EHD2: variants seen among roughly 807,000 people sequenced by gnomAD.
The protein encoded by EHD2 is EH domain-containing protein 2.
Under a neutral mutation model 41.0 loss-of-function variants are expected in EHD2, and 27 were observed. The ratio of observed to expected loss-of-function variants is 0.66; its 90% CI spans 0.49 to 0.91. The LOEUF (loss-of-function observed/expected upper bound fraction) is 0.91. Ranked by LOEUF, EHD2 falls within the 40% of genes least tolerant of loss-of-function variation. The pLI, the probability that EHD2 is intolerant of heterozygous loss-of-function variation, is 0.00. For synonymous variants in EHD2, 342 were observed against 341.0 expected, an observed-to-expected ratio of 1.00 and a Z score of -0.03; for missense variants, 673 against 773.9, an observed-to-expected ratio of 0.87 and a Z score of 1.55.
chr19:47,725,358 C>T (rs3786782), intron 3 of EHD2, among the ~76,000 whole-genome samples: 51,140 of 144,532 alleles, frequency 0.35, 9,216 homozygotes, highest in Middle Eastern at 0.53. Context: ...GAGACTAGCC[C>T]GGCAGCCCGG....
At position 47,742,149 on chromosome 19, in the gene EHD2, TTTCC is replaced by T. The variant is rs1479141106; in HGVS notation, c.*729_*732del. The T allele has an allele frequency of 1.7e-4, 56 of 333,304 alleles. No homozygotes were observed. Among genetic ancestry groups the T allele is most frequent in the South Asian group, 6.5e-4 (29 of 44,440 alleles). The allele number at this position is 333,304 out of a possible 1,614,324, so 20.6% of individuals were successfully genotyped here. On this transcript the variant is annotated 3_prime_UTR_variant, in exon 6 of 6. Coordinates refer to ENST00000263277, the MANE Select transcript of EHD2 (RefSeq NM_014601.4). The stretch of plus-strand genomic sequence containing the variant: ...TTTCCTTCCTTCCTTCCTTCTTTTC[TTTCC>T]TTCCTTCCTTCTTTTTTGTTTTTGC...
intron 2 of EHD2, among the ~76,000 whole-genome samples, chr19:47,717,859 G>A (rs1337478233): frequency 1.4e-5 from 2 of 144,702 alleles, no homozygotes; most frequent in Non-Finnish European, 3.0e-5. Context: ...AGTAAGCCGA[G>A]ACCGTGCCAC....
chr19:47,735,414 G>A (rs1024894480), intron 4 of EHD2, among the ~76,000 whole-genome samples: 1 of 152,122 alleles, frequency 6.6e-6, no homozygotes, highest in Non-Finnish European at 1.5e-5. Context: ...TGGCACCTCC[G>A]CCTGCAGCAC....
chr19:47,719,253 T>C lies in EHD2; in HGVS notation c.502+647T>C, dbSNP rs1396223816. On this transcript the variant is annotated intron_variant, in intron 3 of 5. Coordinates refer to ENST00000263277, the MANE Select transcript of EHD2 (RefSeq NM_014601.4). This position sits in a 1 kb window ranked among gnomAD's most constrained non-coding sequence, Gnocchi z 4.1. Reference sequence around the variant, plus strand: ...CAGCGACGCAGGGAGACACAAGGCCTGGAGATGAGGCAGAGCCTGGGCAGG... The same window carrying C: ...CAGCGACGCAGGGAGACACAAGGCCCGGAGATGAGGCAGAGCCTGGGCAGG... Among the ~76,000 whole-genome samples the C allele has an allele frequency of 6.6e-6, 1 of 151,508 alleles. No individual in the cohort carries two copies. Among genetic ancestry groups the C allele is most frequent in the Non-Finnish European group, 1.5e-5 (1 of 67,862 alleles).
intron 4 of EHD2, chr19:47,731,314 A>ATACACATATATATATAT (rs1160770476): frequency 8.8e-6 from 1 of 113,996 alleles, no homozygotes. Context: ...ATATATATAT[A>ATACACATATATATATAT]ATTTTTTTTT....
At chr19:47,736,723 CAG>C (rs1568593485) in intron 5 of EHD2, among the ~76,000 whole-genome samples, 190 bp downstream of exon 5, 2 of 152,162 alleles carry the variant, frequency 1.3e-5, no homozygotes, top group Admixed American at 1.3e-4. Context: ...CCCAAAATAA[CAG>C]TGGCTAAATT....
intron 4 of EHD2, among the ~76,000 whole-genome samples, chr19:47,733,731 G>A (rs1966892342): frequency 1.0e-5 from 1 of 97,340 alleles, no homozygotes. Context: ...CAGTCTGGGT[G>A]ACAGAGCAAG....
At chr19:47,737,308 A>C (rs1337476158) in intron 5 of EHD2, among the ~76,000 whole-genome samples, 2 of 151,438 alleles carry the variant, frequency 1.3e-5, no homozygotes, top group Non-Finnish European at 2.9e-5. Context: ...TGTTTATTTT[A>C]TTTTCATTTA....
chr19:47,728,100 T>TA (rs10672064), intron 4 of EHD2, among the ~76,000 whole-genome samples: 2,967 of 134,372 alleles, frequency 0.022, 193 homozygotes, highest in African/African-American at 0.075. Flanking sequence ...TGTCTCAAAA[T>TA]AAAAAAAAAA....
chr19:47,740,192 T>C (rs1966970389), intron 5 of EHD2, among the ~76,000 whole-genome samples: 1 of 148,562 alleles, frequency 6.7e-6, no homozygotes, highest in African/African-American at 2.5e-5. Flanking sequence ...ATAGCAAGAC[T>C]TGGTCTCTAC....
rs1038544912 is a variant in EHD2, at chr19:47,719,941, T to A, written c.502+1335T>A. 3.0e-5 allele frequency among the ~76,000 whole-genome samples: 3 copies of A among 101,458 alleles called. No individual in the cohort carries two copies. The highest frequency in any genetic ancestry group is 1.6e-4 in the African/African-American group (3 of 18,880). 66.6% of individuals were successfully genotyped at this position (101,458 alleles called of 152,430 possible). A position where few individuals can be genotyped will look rare whatever the true frequency, so the allele number is the denominator to read the frequency against. On this transcript the variant is annotated intron_variant, in intron 3 of 5. Transcript: ENST00000263277. This position sits in a 1 kb window ranked among gnomAD's most constrained non-coding sequence, Gnocchi z 4.1. ...AGGAGAGAGTGTCCAGCTGTTGGTG[T>A]GTATATGTGTGTGTGTGTGTGTGTG...
chr19:47,731,281 TATATA>T lies in EHD2; in HGVS notation c.915+5058_915+5062del, dbSNP rs931758262. Reference sequence around the variant, plus strand: ...TTGTGATTCTTTAAAAAAAAAAAAATATATATATATATATATATATACATATATAT... The same window carrying T: ...TTGTGATTCTTTAAAAAAAAAAAAATTATATATATATATATACATATATAT... On this transcript the variant is annotated intron_variant, in intron 4 of 5. Transcript: ENST00000263277. 12 of 52,036 alleles carry T rather than the reference TATATA, an allele frequency of 2.3e-4. 1 individual carries two copies. The highest frequency in any genetic ancestry group is 8.7e-4 in the African/African-American group (12 of 13,802). The allele number at this position is 52,036 out of a possible 1,614,324, so 3.2% of individuals were successfully genotyped here.
At chr19:47,723,091 G>C (rs1973714210) in intron 3 of EHD2, among the ~76,000 whole-genome samples, 1 of 152,176 alleles carries the variant, frequency 6.6e-6, no homozygotes, top group South Asian at 2.1e-4. Context: ...CCCCCAGGCT[G>C]GGGGTTGGGT....
intron 4 of EHD2, among the ~76,000 whole-genome samples, chr19:47,733,615 C>T (rs371193425): frequency 1.7e-4 from 26 of 150,258 alleles, no homozygotes; most frequent in South Asian, 1.3e-3. Flanking sequence ...TGCAGTGAGC[C>T]GAGATTGAGC....
In EHD2 at chr19:47,724,460, G is replaced by A. The variant is rs148978620; in HGVS notation, c.503-1352G>A. On this transcript the variant is annotated intron_variant, in intron 3 of 5. Coordinates refer to ENST00000263277, the MANE Select transcript of EHD2 (RefSeq NM_014601.4). ...CACACAGTGGATGGGGGCAGAGGAG[G>A]GACTCAACTCCAGGTCTTCCAGACA... is the stretch of plus-strand genomic sequence containing the variant. Among the ~76,000 whole-genome samples the A allele has an allele frequency of 6.2e-3, 946 of 152,204 alleles. 7 individuals carry two copies. Among genetic ancestry groups the A allele is most frequent in the Non-Finnish European group, 0.011 (749 of 68,018 alleles).
intron 3 of EHD2, among the ~76,000 whole-genome samples, chr19:47,725,198 A>G (rs971518848): frequency 2.0e-5 from 3 of 151,412 alleles, no homozygotes; most frequent in African/African-American, 7.3e-5. Context: ...TTAACAACCT[A>G]TATGTACATA....
At chr19:47,714,188 C>T (rs1180747258) in intron 1 of EHD2, among the ~76,000 whole-genome samples, 2 of 152,154 alleles carry the variant, frequency 1.3e-5, no homozygotes, top group Non-Finnish European at 2.9e-5. Context: ...ACTGGGCACC[C>T]CTGCAAGCTG....
chr19:47,723,685 T>A (rs35480434), intron 3 of EHD2, among the ~76,000 whole-genome samples: 1 of 150,448 alleles, frequency 6.6e-6, no homozygotes, highest in Non-Finnish European at 1.5e-5. Flanking sequence ...CTCAACCATT[T>A]TTTTTTTTAA....
At chr19:47,734,619 C>T (rs1029872959) in intron 4 of EHD2, among the ~76,000 whole-genome samples, 3 of 151,300 alleles carry the variant, frequency 2.0e-5, no homozygotes, top group African/African-American at 7.3e-5. Flanking sequence ...GTGGCGGGCA[C>T]CTGTAATCCC....
Sources: gnomAD v4.1 joint callset for allele counts (sites outside exome capture counted in the v4.1 genomes callset) on GRCh38, gnomAD v4.1.1 for gene constraint, Gnocchi (gnomAD v3.1) non-coding constraint, MANE v1.5 for transcripts, NCBI Gene and HGNC (gene_info 2026-07-23, HGNC 2026-07-21) for gene names.